Variants in LIMA1 observed in about 807,000 individuals in gnomAD.
LIMA1 encodes the protein LIM domain and actin-binding protein 1.
LIMA1 carries 52 observed loss-of-function variants against 62.6 expected under a neutral mutation model. The observed-to-expected ratio is 0.83, with a 90% CI of 0.67 to 1.05. The LOEUF is 1.05. LIMA1 is among the 50% of genes least tolerant of loss of function. The pLI, the probability that LIMA1 is intolerant of heterozygous loss-of-function variation, is 0.00. For missense variants in LIMA1, 780 were observed against 902.2 expected, an observed-to-expected ratio of 0.86 and a Z score of 1.74; for synonymous variants, 302 against 317.8, an observed-to-expected ratio of 0.95 and a Z score of 0.53.
At chr12:50,266,482 A>G (rs1404986606) in intron 1 of LIMA1, among the ~76,000 whole-genome samples, 1 of 152,208 alleles carries the variant, frequency 6.6e-6, no homozygotes, top group African/African-American at 2.4e-5. Context: ...TCAGTACCTC[A>G]TAATATTTCA....
intron 4 of LIMA1, 149 bp from the exon 5 acceptor site, chr12:50,206,217 A>C: frequency 1.8e-6 from 1 of 556,468 alleles, no homozygotes; most frequent in Non-Finnish European, 3.0e-6. Context: ...ACAAATATCA[A>C]GCACTACACA....
intron 4 of LIMA1, among the ~76,000 whole-genome samples, chr12:50,220,952 G>T (rs74336127): frequency 1.3e-5 from 2 of 152,130 alleles, no homozygotes; most frequent in South Asian, 2.1e-4. Context: ...AACATGACCC[G>T]CAAACATTCA....
At chr12:50,237,120 GT>G in intron 2 of LIMA1, among the ~76,000 whole-genome samples, 1 of 152,186 alleles carries the variant, frequency 6.6e-6, no homozygotes, top group African/African-American at 2.4e-5. Flanking sequence ...CCCAGAATTT[GT>G]CCTATAGATA....
intron 2 of LIMA1, among the ~76,000 whole-genome samples, chr12:50,233,936 G>A (rs1411985426): frequency 6.6e-6 from 1 of 152,186 alleles, no homozygotes; most frequent in Non-Finnish European, 1.5e-5. Flanking sequence ...TGTGAGAAAA[G>A]TTTGTAATAA....
intron 2 of LIMA1, among the ~76,000 whole-genome samples, chr12:50,236,984 GT>G (rs1941705734): frequency 6.6e-6 from 1 of 152,184 alleles, no homozygotes; most frequent in African/African-American, 2.4e-5. Flanking sequence ...AACAGGTTCT[GT>G]CTTACATTGC....
chr12:50,261,042 A>AT lies in LIMA1; in HGVS notation c.-23-12269dup, dbSNP rs71083524. Among the ~76,000 whole-genome samples, 354 of 54,254 alleles carry AT rather than the reference A, an allele frequency of 6.5e-3. 56 individuals carry two copies. The highest frequency in any genetic ancestry group is 0.014 in the African/African-American group (191 of 13,928). 35.6% of individuals were successfully genotyped at this position (54,254 alleles called of 152,430 possible). The stretch of plus-strand genomic sequence containing the variant: ...CTTTTGCTTTTCTGCCATCTAGTAT[A>AT]TTTTTTTTTTTTTTTTTTTTTTTTT... On this transcript the variant is annotated intron_variant, in intron 1 of 10. Transcript: ENST00000341247.
At chr12:50,280,186 ACT>A (rs1171488492) in intron 1 of LIMA1, among the ~76,000 whole-genome samples, 4 of 109,234 alleles carry the variant, frequency 3.7e-5, no homozygotes, top group Non-Finnish European at 6.6e-5. Context: ...ACGGAGTCTC[ACT>A]CTGTCACGCA....
chr12:50,246,604 C>T (rs1413101326), intron 2 of LIMA1, among the ~76,000 whole-genome samples: 1 of 152,148 alleles, frequency 6.6e-6, no homozygotes, highest in Non-Finnish European at 1.5e-5. Context: ...TGTCACTCTC[C>T]CCACATGAAA....
intron 1 of LIMA1, among the ~76,000 whole-genome samples, chr12:50,265,302 C>T (rs964982910): frequency 1.8e-4 from 28 of 152,072 alleles, no homozygotes; most frequent in African/African-American, 6.8e-4. Context: ...GGGCAGATCA[C>T]CTGAGGTCAG....
At chr12:50,212,543 C>T (rs1941276173) in intron 4 of LIMA1, among the ~76,000 whole-genome samples, 1 of 151,822 alleles carries the variant, frequency 6.6e-6, no homozygotes, top group Admixed American at 6.6e-5. Flanking sequence ...TAGGATTTCT[C>T]TACATTTTTT....
intron 1 of LIMA1, among the ~76,000 whole-genome samples, chr12:50,277,649 C>T (rs1274360262): frequency 6.6e-6 from 1 of 152,164 alleles, no homozygotes; most frequent in African/African-American, 2.4e-5. Context: ...TTCTGCAGTA[C>T]TGCTTCATTG....
intron 4 of LIMA1, among the ~76,000 whole-genome samples, chr12:50,209,523 G>A (rs1335063748): frequency 7.1e-6 from 1 of 140,434 alleles, no homozygotes; most frequent in Non-Finnish European, 1.5e-5. Flanking sequence ...AGCAGAAATT[G>A]TGCCACTGCT....
chr12:50,231,855 C>T (rs978241722), intron 2 of LIMA1, 145 bp from the exon 3 acceptor site: 8 of 708,984 alleles, frequency 1.1e-5, no homozygotes, highest in Non-Finnish European at 1.9e-5. Flanking sequence ...GCAACTTCTA[C>T]CTCCCGGGTT....
chr12:50,249,766 C>T (rs1565858460), intron 1 of LIMA1: 2 of 152,094 alleles, frequency 1.3e-5, no homozygotes, highest in African/African-American at 4.8e-5. Flanking sequence ...CACTTTGTTT[C>T]TGATCCAGGA....
At chr12:50,261,130 G>A (rs1385205216) in intron 1 of LIMA1, among the ~76,000 whole-genome samples, 7 of 138,476 alleles carry the variant, frequency 5.1e-5, no homozygotes, top group Non-Finnish European at 7.5e-5. Context: ...TGGGCTCACT[G>A]CAAGCTCCGC....
intron 9 of LIMA1, among the ~76,000 whole-genome samples, 200 bp downstream of exon 9, chr12:50,192,252 T>G (rs563422071): frequency 4.6e-5 from 7 of 152,294 alleles, no homozygotes; most frequent in African/African-American, 1.4e-4. Context: ...TTAGTGAGCC[T>G]TCTCGCTCCC....
intron 4 of LIMA1, among the ~76,000 whole-genome samples, chr12:50,218,870 C>T (rs1941393646): frequency 7.3e-6 from 1 of 136,968 alleles, no homozygotes; most frequent in South Asian, 2.3e-4. Context: ...CCAGCCTGGG[C>T]AACAGAGTTA....
At chr12:50,221,800 G>A (rs1280533835) in intron 4 of LIMA1, among the ~76,000 whole-genome samples, 1 of 152,170 alleles carries the variant, frequency 6.6e-6, no homozygotes, top group Non-Finnish European at 1.5e-5. Flanking sequence ...ATACCAATTT[G>A]AATCCCAGTG....
intron 4 of LIMA1, among the ~76,000 whole-genome samples, chr12:50,208,393 G>GGTT: frequency 6.6e-6 from 1 of 152,212 alleles, no homozygotes; most frequent in Non-Finnish European, 1.5e-5. Flanking sequence ...GGCTGAAGCA[G>GGTT]GAGAATCGCT....
Sources: allele counts gnomAD v4.1 joint callset (sites outside exome capture counted in the v4.1 genomes callset), GRCh38; gene constraint gnomAD v4.1.1; transcripts MANE v1.5; gene names NCBI Gene and HGNC (gene_info 2026-07-23, HGNC 2026-07-21).